Variants in NSD1 observed in about 807,000 individuals in gnomAD.
NSD1 encodes histone-lysine N-methyltransferase, H3 lysine-36 specific.
NSD1 carries 26 observed loss-of-function variants against 242.7 expected under a neutral mutation model. That is an observed-to-expected ratio of 0.11 (90% CI 0.08 to 0.15). NSD1 has a LOEUF of 0.15. Ranked by LOEUF, NSD1 falls within the 10% of genes least tolerant of loss-of-function variation. NSD1 has a pLI of 1.00. For synonymous variants in NSD1, 1,106 were observed against 1,178.1 expected, an observed-to-expected ratio of 0.94 and a Z score of 1.25; for missense variants, 2,495 against 3,272.8, an observed-to-expected ratio of 0.76 and a Z score of 5.80.
In NSD1 at chr5:177,201,562, C is replaced by CT. The variant is rs754318510; in HGVS notation, c.1064-2542dup. 9.1e-3 allele frequency among the ~76,000 whole-genome samples: 1,152 copies of CT among 127,248 alleles called. 18 individuals carry two copies. The highest frequency in any genetic ancestry group is 0.055 in the East Asian group (238 of 4,294). The allele number at this position is 127,248 out of a possible 152,430, so 83.5% of individuals were successfully genotyped here. On this transcript the variant is annotated intron_variant, in intron 3 of 22. Transcript: ENST00000439151. ...CTATAATTCTATCTTTAACTGTTTA[C>CT]TTTTTTTTTTTTTTTTGAGATGGTG...
At chr5:177,255,695 G>T (rs1660403256) in intron 12 of NSD1, among the ~76,000 whole-genome samples, 1 of 152,084 alleles carries the variant, frequency 6.6e-6, no homozygotes, top group Admixed American at 6.6e-5. Context: ...AGATTCTCGT[G>T]CCTCAGCCTC....
intron 2 of NSD1, among the ~76,000 whole-genome samples, chr5:177,166,914 T>C (rs1403176846): frequency 6.6e-6 from 1 of 151,734 alleles, no homozygotes; most frequent in African/African-American, 2.4e-5. Flanking sequence ...GCTAATTGTT[T>C]TGTGTAATTT....
chr5:177,269,585 C>T lies in NSD1; in HGVS notation c.5304-17C>T, dbSNP rs1193511320. 3.7e-6 allele frequency: 6 copies of T among 1,613,450 alleles called. No individual in the cohort carries two copies. Among genetic ancestry groups the T allele is most frequent in the Non-Finnish European group, 5.1e-6 (6 of 1,179,476 alleles). ...CAGCCTTCTAGAGGTTTTCCTTCTC[C>T]TTTTCACCTTTCCCAGGTGGTGGCC... On this transcript the variant is annotated splice_polypyrimidine_tract_variant and intron_variant, in intron 15 of 22. Transcript: ENST00000439151. This position sits in a 1 kb window ranked among gnomAD's most constrained non-coding sequence, Gnocchi z 5.1.
In NSD1 at chr5:177,135,272, T is replaced by A. The variant is rs1298442193; in HGVS notation, c.169T>A (p.Ser57Thr). 1.2e-6 allele frequency: 2 copies of A among 1,613,692 alleles called. No individual in the cohort carries two copies. Among genetic ancestry groups the A allele is most frequent in the Admixed American group, 1.7e-5 (1 of 60,000 alleles). Residue 57 changes from serine (S) to threonine (T), a missense_variant, in exon 2 of 23, where the codon TCC becomes ACC. Transcript: ENST00000439151. The stretch of plus-strand genomic sequence containing the variant: ...GCAGTTATCGACTGTCAGTGGAACA[T>A]CCCAAAATGCTTATGGACAAGATTC... Reference protein sequence around the residue: ...TMQLSTVSGTSQNAYGQDSPS... With the variant: ...TMQLSTVSGTTQNAYGQDSPS...
intron 21 of NSD1, among the ~76,000 whole-genome samples, chr5:177,290,001 A>G (rs1227961139): frequency 1.3e-5 from 2 of 150,960 alleles, no homozygotes; most frequent in South Asian, 2.1e-4. Context: ...CTAATTTTTT[A>G]TATTTTTAGT....
intron 8 of NSD1, among the ~76,000 whole-genome samples, chr5:177,243,552 C>G: frequency 6.6e-6 from 1 of 152,164 alleles, no homozygotes; most frequent in Non-Finnish European, 1.5e-5. Flanking sequence ...GCCTGTGGAT[C>G]TCTGGGTACA....
chr5:177,251,810 T>G lies in NSD1; in HGVS notation c.4722T>G (p.Thr1574=), dbSNP rs1279409189. 6.2e-7 allele frequency: 1 copy of G among 1,614,084 alleles called. No homozygotes were observed. Among genetic ancestry groups the G allele is most frequent in the Non-Finnish European group, 8.5e-7 (1 of 1,179,930 alleles). Residue 1574 remains threonine, a synonymous_variant, in exon 12 of 23, where the codon ACT becomes ACG. Transcript: ENST00000439151. ...TCCACCTGGAGTGCCTTGGATTGAC[T>G]GAGATGCCAAGAGGAAAATTTATCT... ...GAFHLECLGL[T]EMPRGKFICN...
intron 2 of NSD1, among the ~76,000 whole-genome samples, chr5:177,147,495 T>C (rs1281111010): frequency 6.6e-6 from 1 of 152,244 alleles, no homozygotes; most frequent in East Asian, 1.9e-4. Context: ...ACATGAGTCA[T>C]ACAGTATGCA....
chr5:177,161,073 T>G (rs1278011283), intron 2 of NSD1, among the ~76,000 whole-genome samples: 1 of 152,000 alleles, frequency 6.6e-6, no homozygotes, highest in Admixed American at 6.6e-5. Flanking sequence ...CCAAAGCTGC[T>G]GCTTTGGGAG....
At chr5:177,190,838 T>TG (rs1398547751) in intron 2 of NSD1, among the ~76,000 whole-genome samples, 1 of 150,038 alleles carries the variant, frequency 6.7e-6, no homozygotes, top group African/African-American at 2.5e-5. Context: ...CCCAGCTAAT[T>TG]TTTTATTTTT....
intron 2 of NSD1, among the ~76,000 whole-genome samples, chr5:177,166,901 C>G (rs1274302833): frequency 6.6e-6 from 1 of 151,694 alleles, no homozygotes; most frequent in Non-Finnish European, 1.5e-5. Flanking sequence ...GCCACCATGC[C>G]CAGCTAATTG....
chr5:177,209,879 T>C lies in NSD1; in HGVS notation c.1480T>C (p.Cys494Arg), dbSNP rs770832377. ...TTCTGCAGATGAGAAGGAAAAGCCT[T>C]GCGCTAAATCTCGAGCCAGAAAGAG... ...EHSADEKEKP[C>R]AKSRARKSSD... Residue 494 changes from cysteine (C) to arginine (R), a missense_variant, in exon 5 of 23, where the codon TGC (cysteine) becomes CGC (arginine). Physicochemically the swap from Cys to Arg is radical, Grantham distance 180. Transcript: ENST00000439151. 8 of 1,614,178 alleles carry C rather than the reference T, an allele frequency of 5.0e-6. No individual in the cohort carries two copies. In the South Asian group the frequency reaches 5.5e-5, roughly 11 times the overall value.
rs771213970 is a variant in NSD1, at chr5:177,194,694, CTTTTTTTTTTTT to C, written c.1063+2689_1063+2700del. ...CAAAAACCTTTATAAATTTTAGTGTCTTTTTTTTTTTTTTTTTTTTTTTTTGAGGCAGAGCCT... is the reference window on the plus strand; with the variant it reads ...CAAAAACCTTTATAAATTTTAGTGTCTTTTTTTTTTTTTGAGGCAGAGCCT... On this transcript the variant is annotated intron_variant, in intron 3 of 22. Transcript: ENST00000439151. Among the ~76,000 whole-genome samples the C allele has an allele frequency of 2.2e-4, 11 of 49,028 alleles. 1 individual carries two copies. The highest frequency in any genetic ancestry group is 3.8e-4 in the Non-Finnish European group (10 of 26,214). 32.2% of individuals were successfully genotyped at this position (49,028 alleles called of 152,430 possible).
intron 20 of NSD1, among the ~76,000 whole-genome samples, chr5:177,286,452 T>G (rs911290313): frequency 2.6e-4 from 39 of 152,184 alleles, no homozygotes; most frequent in African/African-American, 8.2e-4. Context: ...CAGAGTATAT[T>G]GTTTAGATTT....
intron 17 of NSD1, among the ~76,000 whole-genome samples, chr5:177,276,104 A>AT (rs1312776086): frequency 2.0e-5 from 3 of 151,446 alleles, no homozygotes; most frequent in Non-Finnish European, 4.4e-5. Flanking sequence ...TAATTTTGGT[A>AT]TTTTTTGTAG....
At chr5:177,136,887 A>G in intron 2 of NSD1, 2 of 700,044 alleles carry the variant, frequency 2.9e-6, no homozygotes, top group Non-Finnish European at 5.2e-6. Context: ...TGGCCTTGTC[A>G]TGTTGCCCAG....
intron 2 of NSD1, among the ~76,000 whole-genome samples, chr5:177,175,114 A>T (rs758128334): frequency 7.6e-5 from 11 of 145,560 alleles, no homozygotes; most frequent in Non-Finnish European, 1.2e-4. Context: ...CTCGTGATCC[A>T]CTCGCCTCAG....
chr5:177,203,344 T>C (rs1411068421), intron 3 of NSD1, among the ~76,000 whole-genome samples: 1 of 152,178 alleles, frequency 6.6e-6, no homozygotes, highest in East Asian at 1.9e-4. Flanking sequence ...TTTCATATTT[T>C]TAATTGTATG....
At chr5:177,213,615 C>T (rs1305134547) in intron 5 of NSD1, among the ~76,000 whole-genome samples, 1 of 152,120 alleles carries the variant, frequency 6.6e-6, no homozygotes, top group Non-Finnish European at 1.5e-5. Context: ...CTACAGGCGC[C>T]CGCCACCACA....
Sources: allele counts gnomAD v4.1 joint callset (sites outside exome capture counted in the v4.1 genomes callset), GRCh38; gene constraint gnomAD v4.1.1; non-coding constraint Gnocchi (gnomAD v3.1); transcripts MANE v1.5; gene names NCBI Gene and HGNC (gene_info 2026-07-23, HGNC 2026-07-21).